The following ZBTB20 variants were observed in gnomAD, a reference collection of about 807,000 sequenced individuals.
ZBTB20 encodes zinc finger and BTB domain-containing protein 20.
A neutral mutation model predicts 56.9 loss-of-function variants in ZBTB20; 9 were observed. The observed-to-expected ratio is 0.16, with a 90% CI of 0.10 to 0.28. The LOEUF (loss-of-function observed/expected upper bound fraction) is 0.28. Ranked by LOEUF, ZBTB20 falls within the 10% of genes least tolerant of loss-of-function variation. ZBTB20 has a pLI of 1.00. For missense variants in ZBTB20, 655 were observed against 1,003.0 expected (o/e 0.65, Z 4.69); for synonymous variants, 417 against 420.7 (o/e 0.99, Z 0.11).
At chr3:114,884,399 C>T (rs1214528015) in intron 4 of ZBTB20, among the ~76,000 whole-genome samples, 1 of 152,164 alleles carries the variant, frequency 6.6e-6, no homozygotes, top group Non-Finnish European at 1.5e-5. Flanking sequence ...CAAATGTTCA[C>T]AGTAGACGGC....
chr3:114,775,064 A>G (rs2069487371), intron 5 of ZBTB20, among the ~76,000 whole-genome samples: 1 of 152,028 alleles, frequency 6.6e-6, no homozygotes, highest in African/African-American at 2.4e-5. Context: ...TTCCATTCCC[A>G]CGAGCCCACC....
At chr3:114,799,106 T>G (rs1377936234) in intron 5 of ZBTB20, among the ~76,000 whole-genome samples, 1 of 151,956 alleles carries the variant, frequency 6.6e-6, no homozygotes, top group Non-Finnish European at 1.5e-5. Context: ...ATTCTGCTAA[T>G]GGTTCCTTCC....
In ZBTB20 at chr3:114,802,519, C is replaced by T. The variant is rs535647159; in HGVS notation, c.-416-1345G>A. Among the ~76,000 whole-genome samples the T allele has an allele frequency of 1.3e-3, 197 of 151,854 alleles. 1 individual carries two copies. The highest frequency in any genetic ancestry group is 4.4e-3 in the African/African-American group (183 of 41,460). ...TGACATTGACTAACTAAACTTTTCC[C>T]CCTCCTCTCACATGCCTGAATTAGG... On this transcript the variant is annotated intron_variant, in intron 4 of 11. Coordinates refer to ENST00000675478, the MANE Select transcript of ZBTB20 (RefSeq NM_001348800.3).
At position 114,990,211 on chromosome 3, in the gene ZBTB20, C is replaced by T. The variant is rs796245609; in HGVS notation, c.-506-15795G>A. On this transcript the variant is annotated intron_variant, in intron 2 of 11. Transcript: ENST00000675478. ...TCAAAGGGAATGCTTCCAGTTTTTGCCCATTCAGTATGATATTGGCTGTGG... is the reference window on the plus strand; with the variant it reads ...TCAAAGGGAATGCTTCCAGTTTTTGTCCATTCAGTATGATATTGGCTGTGG... 4.6e-5 allele frequency among the ~76,000 whole-genome samples: 7 copies of T among 152,110 alleles called. No homozygotes were observed. In the South Asian group the frequency reaches 1.5e-3, roughly 32 times the overall value.
Position 114,333,194 on chromosome 3 carries a change from T to C in ZBTB20, c.*5811A>G, listed in dbSNP as rs1321115782. On this transcript the variant is annotated 3_prime_UTR_variant, in exon 12 of 12. Transcript: ENST00000675478. ...TAGTAGTTTCCACATTCTGAATTTA[T>C]AGGAACACTGAGTCACCACAGCCTT... 1 of 152,228 alleles carries C rather than the reference T, an allele frequency of 6.6e-6. No homozygotes were observed. The highest frequency in any genetic ancestry group is 1.5e-5 in the Non-Finnish European group (1 of 68,042). 9.4% of individuals were successfully genotyped at this position (152,228 alleles called of 1,614,324 possible).
intron 5 of ZBTB20, among the ~76,000 whole-genome samples, chr3:114,753,395 GTATATATATACACACACGTATATATATA>G (rs1307708240): frequency 5.1e-5 from 2 of 39,416 alleles, no homozygotes; most frequent in Non-Finnish European, 1.1e-4. Flanking sequence ...ATACATGTAT[GTATATATATACACACACGTATATATATA>G]TATATATATA....
At chr3:114,619,902 G>A (rs1405647177) in intron 6 of ZBTB20, among the ~76,000 whole-genome samples, 2 of 152,188 alleles carry the variant, frequency 1.3e-5, no homozygotes, top group Non-Finnish European at 2.9e-5. Context: ...GGCATCCATA[G>A]CCAGTCTTCA....
intron 10 of ZBTB20, among the ~76,000 whole-genome samples, chr3:114,358,817 C>T (rs565389376): frequency 6.6e-6 from 1 of 152,136 alleles, no homozygotes; most frequent in Non-Finnish European, 1.5e-5. Context: ...CCATAAGGAT[C>T]TTTGATATTG....
At chr3:115,060,332 C>T (rs2081970797) in intron 2 of ZBTB20, among the ~76,000 whole-genome samples, 1 of 152,132 alleles carries the variant, frequency 6.6e-6, no homozygotes, top group African/African-American at 2.4e-5. Flanking sequence ...AAACAATATA[C>T]AGTCAATGAA....
intron 5 of ZBTB20, among the ~76,000 whole-genome samples, chr3:114,763,973 C>A (rs939693229): frequency 8.5e-5 from 13 of 152,090 alleles, no homozygotes; most frequent in Non-Finnish European, 1.3e-4. Flanking sequence ...TGAAGGAAGA[C>A]TATTAAAAGA....
intron 2 of ZBTB20, among the ~76,000 whole-genome samples, chr3:115,015,188 A>G (rs2079896020): frequency 6.6e-6 from 1 of 151,868 alleles, no homozygotes; most frequent in Non-Finnish European, 1.5e-5. Flanking sequence ...GTTATACAAA[A>G]AAACATATTC....
chr3:114,531,061 A>G (rs572582437), intron 6 of ZBTB20, among the ~76,000 whole-genome samples: 1 of 152,280 alleles, frequency 6.6e-6, no homozygotes, highest in African/African-American at 2.4e-5. Context: ...CTTGATCTTT[A>G]GCCCAGACCT....
At chr3:114,870,677 T>C (rs1033830534) in intron 4 of ZBTB20, among the ~76,000 whole-genome samples, 12 of 151,600 alleles carry the variant, frequency 7.9e-5, no homozygotes, top group Admixed American at 4.6e-4. Context: ...CCTCAATATA[T>C]ATTAAAAAGT....
In ZBTB20 at chr3:114,549,995, T is replaced by C. The variant is rs577874513; in HGVS notation, c.-294-49604A>G. On this transcript the variant is annotated intron_variant, in intron 6 of 11. Transcript: ENST00000675478. ...CTCTGTGGCCCAGGTTGGAGTGCAG[T>C]GGCGCGATCTCAGCTCACTGCAAGC... Among the ~76,000 whole-genome samples, 77 of 152,284 alleles carry C rather than the reference T, an allele frequency of 5.1e-4. 2 individuals are homozygous for C. The Middle Eastern group carries it at 0.01, about 20-fold the overall frequency.
At chr3:114,609,966 G>A (rs528034142) in intron 6 of ZBTB20, among the ~76,000 whole-genome samples, 8 of 152,170 alleles carry the variant, frequency 5.3e-5, no homozygotes, top group Non-Finnish European at 1.2e-4. Context: ...TCAGTGACCA[G>A]AGCTAGCCTC....
intron 4 of ZBTB20, among the ~76,000 whole-genome samples, chr3:114,850,824 G>A (rs937713811): frequency 1.3e-5 from 2 of 152,208 alleles, no homozygotes; most frequent in African/African-American, 2.4e-5. Flanking sequence ...CAGGTGGAGA[G>A]AGGATGTTTG....
At chr3:114,619,497 GTTTT>G (rs201442514) in intron 6 of ZBTB20, among the ~76,000 whole-genome samples, 1 of 149,348 alleles carries the variant, frequency 6.7e-6, no homozygotes, top group African/African-American at 2.5e-5. Context: ...AATATTTTGG[GTTTT>G]TTTTTTAAAT....
chr3:114,380,725 C>CT, intron 9 of ZBTB20, 52 bp downstream of exon 9: 1 of 1,467,934 alleles, frequency 6.8e-7, no homozygotes, highest in East Asian at 2.5e-5. Context: ...CATCCCTCTT[C>CT]CCCCCTTAGG....
intron 4 of ZBTB20, among the ~76,000 whole-genome samples, chr3:114,809,791 A>C (rs1216201395): frequency 6.6e-6 from 1 of 151,916 alleles, no homozygotes; most frequent in African/African-American, 2.4e-5. Context: ...GAAAATTGAC[A>C]TTTTATATAG....
Sources: allele counts gnomAD v4.1 joint callset (sites outside exome capture counted in the v4.1 genomes callset), GRCh38; gene constraint gnomAD v4.1.1; transcripts MANE v1.5; gene names NCBI Gene and HGNC (gene_info 2026-07-23, HGNC 2026-07-21).